CNDP2: variants seen among roughly 807,000 people sequenced by gnomAD.
CNDP2 encodes the protein cytosolic non-specific dipeptidase.
In CNDP2, 38 loss-of-function variants were observed where a neutral mutation model predicts 55.0. The observed-to-expected ratio is 0.69, with a 90% CI of 0.53 to 0.90. CNDP2 has a LOEUF of 0.90. Among genes scored for constraint, CNDP2 ranks in the 40% least tolerant of loss-of-function variants. The pLI is 0.00. For missense variants in CNDP2, 607 were observed against 621.7 expected, an observed-to-expected ratio of 0.98 and a Z score of 0.25; for synonymous variants, 241 against 260.2, an observed-to-expected ratio of 0.93 and a Z score of 0.71.
rs981213276 is a variant in CNDP2, at chr18:74,516,514, G to A, written c.1068+122G>A. 8.6e-6 allele frequency: 8 copies of A among 924,948 alleles called. No homozygotes were observed. The African/African-American group carries it at 1.3e-4, about 15-fold the overall frequency. The allele number at this position is 924,948 out of a possible 1,614,324, so 57.3% of individuals were successfully genotyped here. ...ATGCATGCCCCCGCTTCCTGGCTCT[G>A]GCCAAGTCAGTAATTATGACAGTCA... On this transcript the variant is annotated intron_variant, in intron 9 of 11. Transcript: ENST00000324262.
chr18:74,512,591 A>T, intron 7 of CNDP2, 59 bp downstream of exon 7: 1 of 1,433,762 alleles, frequency 7.0e-7, no homozygotes, highest in Non-Finnish European at 9.8e-7. Flanking sequence ...CGTGACTTCC[A>T]GGCTGTCTGT....
At chr18:74,513,437 G>A (rs1487353760) in intron 7 of CNDP2, 122 bp from the exon 8 acceptor site, 11 of 1,052,798 alleles carry the variant, frequency 1.0e-5, no homozygotes, top group Middle Eastern at 3.1e-4. Context: ...CCTCAGCCAC[G>A]TGGCTGTGGG....
chr18:74,510,530 G>A (rs1979285078), intron 5 of CNDP2, among the ~76,000 whole-genome samples: 2 of 152,160 alleles, frequency 1.3e-5, no homozygotes, highest in Admixed American at 1.3e-4. Flanking sequence ...CTCGTGTCGT[G>A]GCCCTTATTG....
rs2144621157 is a variant in CNDP2, at chr18:74,520,094, A to G, written c.*26A>G. 1.2e-6 allele frequency: 2 copies of G among 1,610,924 alleles called. No homozygotes were observed. Among genetic ancestry groups the G allele is most frequent in the Non-Finnish European group, 1.7e-6 (2 of 1,177,210 alleles). On this transcript the variant is annotated 3_prime_UTR_variant, in exon 12 of 12. Coordinates refer to ENST00000324262, the MANE Select transcript of CNDP2 (RefSeq NM_018235.3). ...GCCAAGCCCTCTGTGTGCCATCTCC[A>G]ATGAGAAGGAATCCTGCCCTCACCT...
At position 74,522,482 on chromosome 18, in the gene CNDP2, G is replaced by T. The variant is rs757943862; in HGVS notation, c.*2414G>T. ...TGAATGTTTGGCTCCTCCCAAACTC[G>T]TGTTGAAACTTAATAGCCATTGTAA... On this transcript the variant is annotated 3_prime_UTR_variant, in exon 12 of 12. Transcript: ENST00000324262. The T allele has an allele frequency of 6.6e-6, 1 of 152,260 alleles. No individual in the cohort carries two copies. The highest frequency in any genetic ancestry group is 1.5e-5 in the Non-Finnish European group (1 of 68,066). The allele number at this position is 152,260 out of a possible 1,614,324, so 9.4% of individuals were successfully genotyped here. A position where few individuals can be genotyped will look rare whatever the true frequency, so the allele number is the denominator to read the frequency against.
chr18:74,499,042 T>G (rs944148809), intron 1 of CNDP2, among the ~76,000 whole-genome samples: 1 of 152,196 alleles, frequency 6.6e-6, no homozygotes, highest in Non-Finnish European at 1.5e-5. Context: ...ACAATGCTCT[T>G]TACCTGCAGC....
chr18:74,512,844 C>A (rs534843664), intron 7 of CNDP2, among the ~76,000 whole-genome samples: 31 of 152,176 alleles, frequency 2.0e-4, no homozygotes, highest in Non-Finnish European at 3.2e-4. Flanking sequence ...GCTGTCCTTT[C>A]TCTGGTGTGG....
intron 8 of CNDP2, among the ~76,000 whole-genome samples, chr18:74,515,554 TA>T (rs2144609121): frequency 6.6e-6 from 1 of 152,308 alleles, no homozygotes; most frequent in Admixed American, 6.5e-5. Flanking sequence ...ATTCAGTGGA[TA>T]AGTCACTGAG....
At chr18:74,515,590 G>A (rs1253541520) in intron 8 of CNDP2, among the ~76,000 whole-genome samples, 1 of 152,192 alleles carries the variant, frequency 6.6e-6, no homozygotes, top group East Asian at 1.9e-4. Context: ...CCCCCTTTGG[G>A]GGCACACCTA....
chr18:74,505,620 A>T (rs994906010), intron 3 of CNDP2, among the ~76,000 whole-genome samples: 8 of 151,448 alleles, frequency 5.3e-5, no homozygotes, highest in South Asian at 2.1e-4. Context: ...AAAAAAATTT[A>T]CCAAACTGCC....
chr18:74,520,399 T>C lies in CNDP2; in HGVS notation c.*331T>C. ...GGCCGGGCACCACGGCTCACACCTA[T>C]AATCGAGCACTTTGGGAGGCCAAGA... On this transcript the variant is annotated 3_prime_UTR_variant, in exon 12 of 12. Coordinates refer to ENST00000324262, the MANE Select transcript of CNDP2 (RefSeq NM_018235.3). The C allele has an allele frequency of 3.5e-6, 1 of 284,896 alleles. No individual in the cohort carries two copies. Among genetic ancestry groups the C allele is most frequent in the Non-Finnish European group, 6.8e-6 (1 of 147,730 alleles). The allele number at this position is 284,896 out of a possible 1,614,324, so 17.6% of individuals were successfully genotyped here.
At chr18:74,501,505 G>T (rs199658463) in intron 3 of CNDP2, 33 bp downstream of exon 3, 3 of 1,582,662 alleles carry the variant, frequency 1.9e-6, no homozygotes, top group Non-Finnish European at 2.6e-6. Context: ...TTGCAGGACC[G>T]TAGACAGATT....
chr18:74,520,736 G>A lies in CNDP2; in HGVS notation c.*668G>A, dbSNP rs1219315252. 1 of 152,334 alleles carries A rather than the reference G, an allele frequency of 6.6e-6. No individual in the cohort carries two copies. Among genetic ancestry groups the A allele is most frequent in the East Asian group, 1.9e-4 (1 of 5,190 alleles). The allele number at this position is 152,334 out of a possible 1,614,324, so 9.4% of individuals were successfully genotyped here. Reference sequence around the variant, plus strand: ...GCTACTCAGGACACTGACGTAGGAGGGTTGCTTGAGACTGAGAGTTGGAGG... The same window carrying A: ...GCTACTCAGGACACTGACGTAGGAGAGTTGCTTGAGACTGAGAGTTGGAGG... On this transcript the variant is annotated 3_prime_UTR_variant, in exon 12 of 12. Transcript: ENST00000324262.
In CNDP2 at chr18:74,512,442, G is replaced by A. The variant is rs368623246; in HGVS notation, c.658-6G>A. The stretch of plus-strand genomic sequence containing the variant: ...GCCAGACACAGTGGCCTTTGTTTCC[G>A]TGCAGGTGGAGTGCAGCAACAAAGA... On this transcript the variant is annotated splice_region_variant and splice_polypyrimidine_tract_variant and intron_variant, in intron 6 of 11. Coordinates refer to ENST00000324262, the MANE Select transcript of CNDP2 (RefSeq NM_018235.3). 7.4e-5 allele frequency: 120 copies of A among 1,612,238 alleles called. 3 individuals are homozygous for A. In the South Asian group the frequency reaches 1.1e-3, roughly 14 times the overall value.
At chr18:74,501,146 G>A (rs970725715) in intron 2 of CNDP2, 183 bp from the exon 3 acceptor site, 11 of 1,321,336 alleles carry the variant, frequency 8.3e-6, no homozygotes, top group Non-Finnish European at 1.1e-5. Context: ...TCTTCCCTCA[G>A]TACAAACAGT....
At chr18:74,514,540 A>G (rs1214302048) in intron 8 of CNDP2, among the ~76,000 whole-genome samples, 3 of 135,374 alleles carry the variant, frequency 2.2e-5, no homozygotes, top group African/African-American at 8.4e-5. Flanking sequence ...TGCAGGCTAT[A>G]GGTTTATGTG....
chr18:74,500,078 C>T, intron 2 of CNDP2, 45 bp downstream of exon 2: 1 of 1,522,104 alleles, frequency 6.6e-7, no homozygotes, highest in Non-Finnish European at 9.1e-7. Context: ...CTGATTTAAT[C>T]CCATGGGGCC....
rs368762481 is a variant in CNDP2 at position 74,510,797 on chromosome 18, T to C, written c.457-16T>C. 28 of 1,609,350 alleles carry C rather than the reference T, an allele frequency of 1.7e-5. No homozygotes were observed. In the African/African-American group the frequency reaches 2.3e-4, roughly 13 times the overall value. On this transcript the variant is annotated splice_polypyrimidine_tract_variant and intron_variant, in intron 5 of 11. Transcript: ENST00000324262. ...CGCAAAGCTGAATATCCACTCGTGC[T>C]GTTCCCTTCTCACAGGAGATTCCTG...
chr18:74,501,874 G>A (rs1044903768), intron 3 of CNDP2, among the ~76,000 whole-genome samples: 7 of 151,928 alleles, frequency 4.6e-5, no homozygotes, highest in African/African-American at 9.7e-5. Context: ...ACAGTGCTGC[G>A]TCCTTGAGCC....
Sources: gnomAD v4.1 joint callset for allele counts (sites outside exome capture counted in the v4.1 genomes callset) on GRCh38, gnomAD v4.1.1 for gene constraint, MANE v1.5 for transcripts, NCBI Gene and HGNC (gene_info 2026-07-23, HGNC 2026-07-21) for gene names.